Variants in VKORC1L1 observed in about 807,000 individuals in gnomAD.
VKORC1L1 encodes the protein vitamin K epoxide reductase complex subunit 1-like protein 1.
Under a neutral mutation model 18.9 loss-of-function variants are expected in VKORC1L1, and 2 were observed. That is an observed-to-expected ratio of 0.11 (90% CI 0.04 to 0.33). The LOEUF is 0.33. Ranked by LOEUF, VKORC1L1 falls within the 10% of genes least tolerant of loss-of-function variation. The pLI, the probability that VKORC1L1 is intolerant of heterozygous loss-of-function variation, is 1.00. For synonymous variants in VKORC1L1, 96 were observed against 100.0 expected (o/e 0.96, Z 0.24); for missense variants, 123 against 224.1 (o/e 0.55, Z 2.88).
intron 1 of VKORC1L1, among the ~76,000 whole-genome samples, chr7:65,938,848 G>A (rs993474693): frequency 1.3e-5 from 2 of 152,142 alleles, no homozygotes; most frequent in African/African-American, 4.8e-5. Flanking sequence ...GAACCATGGG[G>A]AATGCTCATG....
chr7:65,879,133 T>G (rs1229093216), intron 1 of VKORC1L1, among the ~76,000 whole-genome samples: 1 of 152,150 alleles, frequency 6.6e-6, no homozygotes, highest in Non-Finnish European at 1.5e-5. Flanking sequence ...GTATCACGTA[T>G]GCATCCTTAT....
intron 1 of VKORC1L1, among the ~76,000 whole-genome samples, chr7:65,945,065 AG>A: frequency 6.6e-6 from 1 of 152,062 alleles, no homozygotes; most frequent in South Asian, 2.1e-4. Flanking sequence ...GTTCAAGACC[AG>A]TCTGGCCAAC....
chr7:65,936,266 G>A (rs1315734351), intron 1 of VKORC1L1, among the ~76,000 whole-genome samples: 1 of 151,892 alleles, frequency 6.6e-6, no homozygotes, highest in African/African-American at 2.4e-5. Context: ...TCCAGCATCT[G>A]TGTCATCTCA....
At chr7:65,949,888 G>A (rs1790185034) in intron 2 of VKORC1L1, among the ~76,000 whole-genome samples, 1 of 152,134 alleles carries the variant, frequency 6.6e-6, no homozygotes, top group Non-Finnish European at 1.5e-5. Flanking sequence ...AAATAATGCT[G>A]CAGTGATCAA....
chr7:65,889,044 T>TA (rs1789066183), intron 1 of VKORC1L1, among the ~76,000 whole-genome samples: 1 of 151,976 alleles, frequency 6.6e-6, no homozygotes, highest in Non-Finnish European at 1.5e-5. Flanking sequence ...TCCTCTTGCT[T>TA]AATGGTTCGT....
chr7:65,939,983 A>G (rs1457842662), intron 1 of VKORC1L1, among the ~76,000 whole-genome samples: 5 of 152,086 alleles, frequency 3.3e-5, no homozygotes, highest in South Asian at 2.1e-4. Flanking sequence ...CGCTAAAGAA[A>G]TGTGTCTTTA....
chr7:65,947,065 G>A (rs1790131488), intron 1 of VKORC1L1, among the ~76,000 whole-genome samples: 1 of 152,100 alleles, frequency 6.6e-6, no homozygotes, highest in Non-Finnish European at 1.5e-5. Flanking sequence ...TTGAACCTCG[G>A]AGGTCAAGGC....
At chr7:65,898,247 C>T (rs1333791378) in intron 1 of VKORC1L1, among the ~76,000 whole-genome samples, 5 of 151,640 alleles carry the variant, frequency 3.3e-5, no homozygotes, top group South Asian at 2.1e-4. Flanking sequence ...CCATCACGCC[C>T]GGCTAATTTT....
upstream of VKORC1L1, among the ~76,000 whole-genome samples, chr7:65,869,691 C>T (rs1788702549): frequency 7.0e-6 from 1 of 142,208 alleles, no homozygotes; most frequent in South Asian, 2.3e-4. Context: ...TTCTCTGTCA[C>T]CCAGGCTGGA....
Position 65,954,707 on chromosome 7 carries a change from A to C in VKORC1L1, c.*407A>C, listed in dbSNP as rs1790267015. 9.7e-6 allele frequency: 2 copies of C among 206,784 alleles called. No homozygotes were observed. The highest frequency in any genetic ancestry group is 5.3e-5 in the Admixed American group (1 of 18,936). The allele number at this position is 206,784 out of a possible 1,614,324, so 12.8% of individuals were successfully genotyped here. ...TATTCTAGAATAGATACTGTATTAA[A>C]TATTGCCATGTTTACAATATGTAAT... On this transcript the variant is annotated 3_prime_UTR_variant, in exon 3 of 3. Coordinates refer to ENST00000360768, the MANE Select transcript of VKORC1L1 (RefSeq NM_173517.6).
At chr7:65,929,401 C>T (rs1376885856) in intron 1 of VKORC1L1, among the ~76,000 whole-genome samples, 1 of 152,030 alleles carries the variant, frequency 6.6e-6, no homozygotes, top group African/African-American at 2.4e-5. Flanking sequence ...GACAGGGAGA[C>T]TCTGTCTCAA....
At chr7:65,903,591 G>A (rs932244970) in intron 1 of VKORC1L1, among the ~76,000 whole-genome samples, 1 of 152,158 alleles carries the variant, frequency 6.6e-6, no homozygotes, top group Admixed American at 6.5e-5. Flanking sequence ...GGGTGACATG[G>A]CGAAAGCCTA....
At chr7:65,874,440 C>T (rs1788791134) in intron 1 of VKORC1L1, among the ~76,000 whole-genome samples, 1 of 151,858 alleles carries the variant, frequency 6.6e-6, no homozygotes, top group Non-Finnish European at 1.5e-5. Flanking sequence ...TCAGGTAATC[C>T]ACCCACCTCT....
chr7:65,879,144 T>A (rs557021137), intron 1 of VKORC1L1, among the ~76,000 whole-genome samples: 1 of 152,278 alleles, frequency 6.6e-6, no homozygotes, highest in South Asian at 2.1e-4. Context: ...GCATCCTTAT[T>A]GATAGCCTGC....
At chr7:65,897,551 C>T (rs1789235399) in intron 1 of VKORC1L1, among the ~76,000 whole-genome samples, 1 of 152,078 alleles carries the variant, frequency 6.6e-6, no homozygotes, top group African/African-American at 2.4e-5. Flanking sequence ...ACATGAATGA[C>T]TCACAATCAT....
At chr7:65,877,428 A>C (rs1788848052) in intron 1 of VKORC1L1, among the ~76,000 whole-genome samples, 1 of 151,740 alleles carries the variant, frequency 6.6e-6, no homozygotes, top group South Asian at 2.1e-4. Context: ...GCTCACTGCA[A>C]CCTCCACCTC....
chr7:65,885,867 G>A (rs1191010964), intron 1 of VKORC1L1, among the ~76,000 whole-genome samples: 2 of 152,190 alleles, frequency 1.3e-5, no homozygotes, highest in Non-Finnish European at 2.9e-5. Flanking sequence ...TGTTTCCGGT[G>A]AATTCTAGAA....
Position 65,936,136 on chromosome 7 carries a change from A to AT in VKORC1L1, c.195-12524dup, listed in dbSNP as rs546678868. On this transcript the variant is annotated intron_variant, in intron 1 of 2. Coordinates refer to ENST00000360768, the MANE Select transcript of VKORC1L1 (RefSeq NM_173517.6). ...TATATTTTTTAGTTCTATAGTTTCCATTTTTTTTTTTAATGGTTACTTTTT... is the reference window on the plus strand; with the variant it reads ...TATATTTTTTAGTTCTATAGTTTCCATTTTTTTTTTTTAATGGTTACTTTTT... Among the ~76,000 whole-genome samples the AT allele has an allele frequency of 8.2e-3, 1,093 of 133,810 alleles. 12 individuals carry two copies. Among genetic ancestry groups the AT allele is most frequent in the African/African-American group, 0.023 (848 of 36,298 alleles). 87.8% of individuals were successfully genotyped at this position (133,810 alleles called of 152,430 possible).
intron 1 of VKORC1L1, among the ~76,000 whole-genome samples, chr7:65,889,894 A>G (rs1789082154): frequency 6.6e-6 from 1 of 152,156 alleles, no homozygotes; most frequent in Admixed American, 6.5e-5. Flanking sequence ...TTTGTGCATT[A>G]GTCATTGCTG....
Sources: gnomAD v4.1 joint callset for allele counts (sites outside exome capture counted in the v4.1 genomes callset) on GRCh38, gnomAD v4.1.1 for gene constraint, MANE v1.5 for transcripts, NCBI Gene and HGNC (gene_info 2026-07-23, HGNC 2026-07-21) for gene names.